Variants in ZNF254 observed in about 807,000 individuals in gnomAD.
ZNF254 encodes the protein CTD-2017D11.1.
Under a neutral mutation model 12.4 loss-of-function variants are expected in ZNF254, and 10 were observed. The observed-to-expected ratio is 0.80, with a 90% confidence interval of 0.50 to 1.36. The LOEUF is 1.36. Ranked by LOEUF, ZNF254 falls within the 40% of genes most tolerant of loss-of-function variation. The pLI is 0.00. For missense variants in ZNF254, 996 were observed against 763.9 expected, an observed-to-expected ratio of 1.30 and a Z score of -3.58; for synonymous variants, 305 against 253.4, an observed-to-expected ratio of 1.20 and a Z score of -1.93.
chr19:24,106,782 A>G, intron 3 of ZNF254, 139 bp downstream of exon 3: 1 of 600,510 alleles, frequency 1.7e-6, no homozygotes, highest in South Asian at 2.1e-5. Flanking sequence ...TTTAAATTAT[A>G]CTCTCACATA....
intron 2 of ZNF254, among the ~76,000 whole-genome samples, chr19:24,068,460 C>T (rs537079033): frequency 2.0e-5 from 3 of 152,226 alleles, no homozygotes; most frequent in East Asian, 1.9e-4. Flanking sequence ...ATTACCACAC[C>T]GTTCTAATTT....
At chr19:24,101,523 T>C (rs1339707944) in intron 1 of ZNF254, among the ~76,000 whole-genome samples, 7 of 152,214 alleles carry the variant, frequency 4.6e-5, no homozygotes. Flanking sequence ...AAGAAGCATC[T>C]TAGGAGTGAG....
At chr19:24,122,365 C>T (rs879849799) in intron 3 of ZNF254, among the ~76,000 whole-genome samples, 4 of 152,120 alleles carry the variant, frequency 2.6e-5, no homozygotes, top group Non-Finnish European at 5.9e-5. Flanking sequence ...GCTCAGATTA[C>T]AGGTGACCGC....
intron 1 of ZNF254, among the ~76,000 whole-genome samples, chr19:24,087,682 C>T (rs527920883): frequency 6.6e-6 from 1 of 152,106 alleles, no homozygotes; most frequent in East Asian, 1.9e-4. Context: ...GAGCTTTGGT[C>T]TGTGGGGTTC....
intron 2 of ZNF254, among the ~76,000 whole-genome samples, chr19:24,049,206 ATATATATATTTTTT>A (rs1220058585): frequency 1.9e-5 from 1 of 53,828 alleles, no homozygotes; most frequent in African/African-American, 9.2e-5. Context: ...ATATATATAT[ATATATATATTTTTT>A]TTTTTTTTTT....
chr19:24,068,236 G>C (rs571006487), intron 2 of ZNF254, among the ~76,000 whole-genome samples: 2 of 151,842 alleles, frequency 1.3e-5, no homozygotes, highest in Admixed American at 1.3e-4. Flanking sequence ...GTTGCTCACA[G>C]AGAGCGTTGT....
Position 24,122,488 on chromosome 19 carries a change from G to A in ZNF254, c.254-3766G>A, listed in dbSNP as rs942680016. Among the ~76,000 whole-genome samples the A allele has an allele frequency of 2.6e-5, 4 of 152,180 alleles. No homozygotes were observed. The South Asian group carries it at 6.2e-4, about 24-fold the overall frequency. On this transcript the variant is annotated intron_variant, in intron 3 of 3. Transcript: ENST00000357002. ...GATCCACCCGCTTGGGTCTCTCAAA[G>A]TGCTCAGATTACAGGTGTGAACCAC... is the stretch of plus-strand genomic sequence containing the variant.
chr19:24,046,373 T>TTATATATATATATA (rs34508258), intron 2 of ZNF254: 1,295 of 95,170 alleles, frequency 0.014, 16 homozygotes, highest in Middle Eastern at 0.056. Flanking sequence ...TTATTATTTT[T>TTATATATATATATA]TATATATATA....
At chr19:24,120,987 C>A (rs1312797012) in intron 3 of ZNF254, among the ~76,000 whole-genome samples, 1 of 152,010 alleles carries the variant, frequency 6.6e-6, no homozygotes, top group African/African-American at 2.4e-5. Context: ...GTTGTGACAG[C>A]TTTGGCCTCT....
intron 1 of ZNF254, among the ~76,000 whole-genome samples, chr19:24,102,008 C>G (rs1362213047): frequency 6.6e-6 from 1 of 152,188 alleles, no homozygotes; most frequent in Non-Finnish European, 1.5e-5. Flanking sequence ...CTAATTGCTT[C>G]TATTTCATAT....
At chr19:24,118,069 T>G (rs1003054902) in intron 3 of ZNF254, among the ~76,000 whole-genome samples, 1 of 151,658 alleles carries the variant, frequency 6.6e-6, no homozygotes, top group African/African-American at 2.4e-5. Flanking sequence ...TTTTTTTTTT[T>G]TGAAATGGAG....
At chr19:24,071,944 T>C (rs764136034) in intron 2 of ZNF254, among the ~76,000 whole-genome samples, 11 of 152,152 alleles carry the variant, frequency 7.2e-5, no homozygotes, top group Non-Finnish European at 1.5e-4. Context: ...TTGTATATTG[T>C]GTTTATTAAA....
rs563922669 is a variant in ZNF254 at position 24,093,799 on chromosome 19, AT to A, written c.30+6473del. Among the ~76,000 whole-genome samples, 844 of 148,622 alleles carry A rather than the reference AT, an allele frequency of 5.7e-3. 4 individuals are homozygous for A. The highest frequency in any genetic ancestry group is 0.018 in the African/African-American group (738 of 40,706). On this transcript the variant is annotated intron_variant, in intron 1 of 3. Coordinates refer to ENST00000357002, the MANE Select transcript of ZNF254 (RefSeq NM_203282.4). ...TTGGTTTTATATGAATTTTACAATA[AT>A]TTTTTTTTTTAGTTCTTTTAAAAAT...
intron 1 of ZNF254, chr19:24,104,413 A>G (rs1973211483): frequency 6.6e-6 from 1 of 152,284 alleles, no homozygotes; most frequent in Non-Finnish European, 1.5e-5. Context: ...AAAGAATTCT[A>G]GAGGAGGAGG....
At chr19:24,107,823 C>G (rs934011321) in intron 3 of ZNF254, among the ~76,000 whole-genome samples, 1 of 152,018 alleles carries the variant, frequency 6.6e-6, no homozygotes, top group Non-Finnish European at 1.5e-5. Context: ...TTGTTGGGCC[C>G]CCAGAGTGAT....
At chr19:24,125,367 C>T (rs925357167) in intron 3 of ZNF254, among the ~76,000 whole-genome samples, 15 of 150,988 alleles carry the variant, frequency 9.9e-5, no homozygotes, top group African/African-American at 3.6e-4. Context: ...CCATTTTAAT[C>T]AGTATTATTC....
rs1975119031 is a variant in ZNF254 at position 24,129,818 on chromosome 19, T to A, written c.*1838T>A. ...TACAAACGTGTAAAATCTATACATT[T>A]CTGAGTTCTGAATAAATATTTTTAA... On this transcript the variant is annotated 3_prime_UTR_variant, in exon 4 of 4. Transcript: ENST00000357002. 1 of 151,990 alleles carries A rather than the reference T, an allele frequency of 6.6e-6. No homozygotes were observed. Among genetic ancestry groups the A allele is most frequent in the African/African-American group, 2.4e-5 (1 of 41,442 alleles). 9.4% of individuals were successfully genotyped at this position (151,990 alleles called of 1,614,324 possible).
At chr19:24,085,013 ACCT>A (rs1971974770), upstream of ZNF254, among the ~76,000 whole-genome samples, 1 of 148,008 alleles carries the variant, frequency 6.8e-6, no homozygotes, top group Admixed American at 6.8e-5. Flanking sequence ...GCTCACTTCA[ACCT>A]CCTCCTGTCA....
At chr19:24,112,692 AT>A (rs1467720445) in intron 3 of ZNF254, among the ~76,000 whole-genome samples, 1 of 152,020 alleles carries the variant, frequency 6.6e-6, no homozygotes, top group African/African-American at 2.4e-5. Flanking sequence ...ATTCCTAGGT[AT>A]TTTATTCTCT....
Sources: gnomAD v4.1 joint callset for allele counts (sites outside exome capture counted in the v4.1 genomes callset) on GRCh38, gnomAD v4.1.1 for gene constraint, MANE v1.5 for transcripts, NCBI Gene and HGNC (gene_info 2026-07-23, HGNC 2026-07-21) for gene names.